PTPRA: variants seen among roughly 807,000 people sequenced by gnomAD.
PTPRA encodes protein tyrosine phosphatase receptor type A, also known as receptor-type tyrosine-protein phosphatase alpha.
A neutral mutation model predicts 104.8 loss-of-function variants in PTPRA; 25 were observed. That is an observed-to-expected ratio of 0.24 (90% CI 0.17 to 0.33). The LOEUF is 0.33. PTPRA is among the 10% of genes least tolerant of loss of function. The probability of loss-of-function intolerance (pLI) is 1.00; values close to 1 mark genes in which losing one functional copy is unlikely to be tolerated. For synonymous variants in PTPRA, 323 were observed against 368.9 expected (o/e 0.88, Z 1.43); for missense variants, 765 against 1,015.3 (o/e 0.75, Z 3.35).
At chr20:2,869,704 G>A (rs887376465), upstream of PTPRA, among the ~76,000 whole-genome samples, 2 of 152,140 alleles carry the variant, frequency 1.3e-5, no homozygotes, top group Non-Finnish European at 2.9e-5. Context: ...AGTGGCTCAT[G>A]CCTGTAATTC....
rs2061650522 is a variant in PTPRA, at chr20:2,959,041, G to A, written c.-6-5231G>A. Among the ~76,000 whole-genome samples, 4 of 152,084 alleles carry A rather than the reference G, an allele frequency of 2.6e-5. No homozygotes were observed. In the South Asian group the frequency reaches 6.2e-4, roughly 24 times the overall value. ...TTGTTGCAAATGCATTGTATATGGGGGGTCGGGAAGTCACAGGAGTTTGCC... is the reference window on the plus strand; with the variant it reads ...TTGTTGCAAATGCATTGTATATGGGAGGTCGGGAAGTCACAGGAGTTTGCC... On this transcript the variant is annotated intron_variant, in intron 3 of 23. Coordinates refer to ENST00000399903, the MANE Select transcript of PTPRA (RefSeq NM_001385305.1).
At chr20:2,908,259 C>A (rs2059497373) in intron 1 of PTPRA, among the ~76,000 whole-genome samples, 1 of 152,186 alleles carries the variant, frequency 6.6e-6, no homozygotes, top group African/African-American at 2.4e-5. Context: ...ATTTTGAATT[C>A]TTTTAGCACA....
chr20:2,879,971 T>G (rs915890499), intron 1 of PTPRA, among the ~76,000 whole-genome samples: 2 of 152,192 alleles, frequency 1.3e-5, no homozygotes, highest in African/African-American at 2.4e-5. Context: ...TGTATATATA[T>G]TTTAACTCCC....
At chr20:2,964,204 C>G in intron 3 of PTPRA, 68 bp from the exon 4 acceptor site, 3 of 1,301,478 alleles carry the variant, frequency 2.3e-6, no homozygotes, top group Non-Finnish European at 2.2e-6. Context: ...GAATACTCTT[C>G]TGGTGACCAG....
chr20:2,911,878 T>G (rs1403757504), intron 1 of PTPRA, among the ~76,000 whole-genome samples: 1 of 151,476 alleles, frequency 6.6e-6, no homozygotes, highest in Non-Finnish European at 1.5e-5. Flanking sequence ...CGGAAGTCAG[T>G]GAAAAAAAAA....
At chr20:3,028,014 T>C (rs1022206238) in intron 20 of PTPRA, among the ~76,000 whole-genome samples, 173 bp downstream of exon 20, 5 of 152,240 alleles carry the variant, frequency 3.3e-5, no homozygotes, top group African/African-American at 1.2e-4. Context: ...TAAATACATA[T>C]GCATTTCCAG....
chr20:2,994,594 G>T (rs1284400289), intron 9 of PTPRA, among the ~76,000 whole-genome samples: 2 of 152,284 alleles, frequency 1.3e-5, no homozygotes, highest in Non-Finnish European at 1.5e-5. Flanking sequence ...ATGTGATGTG[G>T]ATCCCATCAA....
chr20:2,977,305 A>G (rs1463457814), intron 6 of PTPRA, among the ~76,000 whole-genome samples: 1 of 151,426 alleles, frequency 6.6e-6, no homozygotes, highest in African/African-American at 2.4e-5. Context: ...AAAAAAAAAA[A>G]AAATCAGACT....
intron 1 of PTPRA, among the ~76,000 whole-genome samples, chr20:2,915,762 C>T (rs927852601): frequency 6.6e-6 from 1 of 152,068 alleles, no homozygotes; most frequent in African/African-American, 2.4e-5. Flanking sequence ...CTGAGACAGG[C>T]GGATTGCCTG....
chr20:2,922,401 A>G (rs1295376376), intron 1 of PTPRA, among the ~76,000 whole-genome samples: 1 of 152,102 alleles, frequency 6.6e-6, no homozygotes, highest in Non-Finnish European at 1.5e-5. Flanking sequence ...GTACACTGTC[A>G]CGATCTCGGC....
chr20:2,991,051 T>C (rs2063150834), intron 9 of PTPRA, among the ~76,000 whole-genome samples: 1 of 152,170 alleles, frequency 6.6e-6, no homozygotes, highest in Admixed American at 6.5e-5. Flanking sequence ...TCATTATTGA[T>C]TGATAAGATT....
the PTPRA span, chr20:2,865,149 C>T: frequency 3.1e-6 from 5 of 1,614,180 alleles, no homozygotes; most frequent in African/African-American, 5.3e-5. The surrounding 1 kb of genome is among the most constrained non-coding windows in gnomAD (Gnocchi z 5.2). Flanking sequence ...GGTCCCCAGG[C>T]TACAGAGGAT....
intron 1 of PTPRA, among the ~76,000 whole-genome samples, chr20:2,910,750 G>A (rs1013524194): frequency 6.7e-6 from 1 of 149,466 alleles, no homozygotes; most frequent in African/African-American, 2.5e-5. Flanking sequence ...GGGACTACAG[G>A]CACCCACCAC....
intron 1 of PTPRA, among the ~76,000 whole-genome samples, chr20:2,911,929 G>A (rs1487046689): frequency 6.6e-6 from 1 of 152,072 alleles, no homozygotes; most frequent in African/African-American, 2.4e-5. Flanking sequence ...CTTCTAATAG[G>A]TAGGTATTCA....
intron 6 of PTPRA, among the ~76,000 whole-genome samples, 176 bp downstream of exon 6, chr20:2,975,417 T>C (rs1048908115): frequency 6.6e-6 from 1 of 152,234 alleles, no homozygotes; most frequent in Non-Finnish European, 1.5e-5. Flanking sequence ...ACAAGTACTG[T>C]ATTCAGTATG....
In PTPRA at chr20:2,909,981, C is replaced by T. The variant is rs1237750810; in HGVS notation, c.-128-13226C>T. 1.9e-4 allele frequency among the ~76,000 whole-genome samples: 19 copies of T among 99,336 alleles called. 1 individual carries two copies. Among genetic ancestry groups the T allele is most frequent in the Admixed American group, 1.5e-3 (11 of 7,214 alleles). 65.2% of individuals were successfully genotyped at this position (99,336 alleles called of 152,430 possible). On this transcript the variant is annotated intron_variant, in intron 1 of 23. Transcript: ENST00000399903. ...AATATATGATATATATATAATCTAT[C>T]ATATATCATATATATAATCTATCAT...
chr20:3,015,931 A>T, intron 12 of PTPRA, 46 bp downstream of exon 12: 1 of 1,521,752 alleles, frequency 6.6e-7, no homozygotes, highest in Non-Finnish European at 9.1e-7. Flanking sequence ...CCATGATCAC[A>T]TAATGGGTTT....
chr20:3,024,216 T>G (rs558303736), intron 16 of PTPRA, among the ~76,000 whole-genome samples: 3 of 152,206 alleles, frequency 2.0e-5, no homozygotes, highest in African/African-American at 7.2e-5. Flanking sequence ...GAACAGGAAT[T>G]GAGTTTGTCC....
At chr20:2,902,040 C>T (rs2059258442) in intron 1 of PTPRA, among the ~76,000 whole-genome samples, 1 of 151,892 alleles carries the variant, frequency 6.6e-6, no homozygotes, top group African/African-American at 2.4e-5. Context: ...TGAGCATTAC[C>T]ACACTGGCTA....
Sources: gnomAD v4.1 joint callset for allele counts (sites outside exome capture counted in the v4.1 genomes callset) on GRCh38, gnomAD v4.1.1 for gene constraint, Gnocchi (gnomAD v3.1) non-coding constraint, MANE v1.5 for transcripts, NCBI Gene and HGNC (gene_info 2026-07-23, HGNC 2026-07-21) for gene names.